The following SORBS2 variants were observed in gnomAD, a reference collection of about 807,000 sequenced individuals.
SORBS2 encodes the protein sorbin and SH3 domain containing 2, also known as sorbin and SH3 domain-containing protein 2.
Under a neutral mutation model 97.7 loss-of-function variants are expected in SORBS2, and 46 were observed. That is an observed-to-expected ratio of 0.47 (90% CI 0.37 to 0.60). The LOEUF is 0.60. Ranked by LOEUF, SORBS2 falls within the 20% of genes least tolerant of loss-of-function variation. The pLI, the probability that SORBS2 is intolerant of heterozygous loss-of-function variation, is 0.00. For synonymous variants in SORBS2, 476 were observed against 473.4 expected, an observed-to-expected ratio of 1.01 and a Z score of -0.07; for missense variants, 1,316 against 1,282.3, an observed-to-expected ratio of 1.03 and a Z score of -0.40.
At chr4:185,634,713 C>G (rs1276231409) in intron 4 of SORBS2, among the ~76,000 whole-genome samples, 3 of 151,926 alleles carry the variant, frequency 2.0e-5, no homozygotes, top group East Asian at 1.9e-4. Context: ...ATTATAGGCT[C>G]TTAAGTAGAG....
intron 1 of SORBS2, among the ~76,000 whole-genome samples, chr4:185,936,414 T>C (rs969154921): frequency 1.3e-5 from 2 of 152,196 alleles, no homozygotes; most frequent in Admixed American, 1.3e-4. Context: ...CAATGGGTAC[T>C]GAAACCATCA....
chr4:185,897,262 G>T (rs576410443), intron 1 of SORBS2, among the ~76,000 whole-genome samples: 1 of 152,316 alleles, frequency 6.6e-6, no homozygotes, highest in East Asian at 1.9e-4. Flanking sequence ...GACCCACCTT[G>T]TTTGAGTGTA....
chr4:185,729,797 T>A (rs559714162), intron 2 of SORBS2, among the ~76,000 whole-genome samples: 5 of 152,240 alleles, frequency 3.3e-5, no homozygotes, highest in Admixed American at 6.5e-5. Context: ...ACTTATGTAA[T>A]TTTTTTTCAG....
intron 13 of SORBS2, among the ~76,000 whole-genome samples, chr4:185,591,092 T>TAA (rs2095918106): frequency 6.6e-6 from 1 of 152,194 alleles, no homozygotes; most frequent in Non-Finnish European, 1.5e-5. Context: ...ATTCTATCAT[T>TAA]TAAACTCAAA....
intron 12 of SORBS2, among the ~76,000 whole-genome samples, chr4:185,610,865 A>G (rs572970994): frequency 1.3e-5 from 2 of 152,284 alleles, no homozygotes; most frequent in Admixed American, 1.3e-4. Flanking sequence ...TACTTAAAAC[A>G]TTTTGGAAGT....
chr4:185,910,282 C>T (rs1176984538), intron 1 of SORBS2, among the ~76,000 whole-genome samples: 3 of 152,126 alleles, frequency 2.0e-5, no homozygotes, highest in Admixed American at 6.5e-5. Context: ...CTGGCCACAC[C>T]CTACTCCATT....
In SORBS2 at chr4:185,884,544, G is replaced by A. The variant is rs188068985; in HGVS notation, c.-338+71652C>T. On this transcript the variant is annotated intron_variant, in intron 1 of 20. Coordinates refer to the SORBS2 transcript ENST00000284776. Reference sequence around the variant, plus strand: ...AGTAAGATCTGAACAAAAGAAATCCGGAATGGCAATGAGGGCCCAGCAGAG... The same window carrying A: ...AGTAAGATCTGAACAAAAGAAATCCAGAATGGCAATGAGGGCCCAGCAGAG... Among the ~76,000 whole-genome samples, 325 of 152,248 alleles carry A rather than the reference G, an allele frequency of 2.1e-3. 2 individuals carry two copies. Among genetic ancestry groups the A allele is most frequent in the African/African-American group, 7.3e-3 (303 of 41,538 alleles).
intron 1 of SORBS2, among the ~76,000 whole-genome samples, chr4:185,886,235 C>T (rs750216886): frequency 7.9e-5 from 12 of 152,064 alleles, no homozygotes; most frequent in East Asian, 1.9e-4. Context: ...GGCAGAAAGG[C>T]TAAGGTGTTC....
At chr4:185,798,186 A>G (rs1378286894) in intron 1 of SORBS2, among the ~76,000 whole-genome samples, 1 of 152,134 alleles carries the variant, frequency 6.6e-6, no homozygotes, top group African/African-American at 2.4e-5. Context: ...ACCTCACCCT[A>G]CACAATTAGA....
rs2099208701 is a variant in SORBS2 at position 185,837,442 on chromosome 4, G to A, written c.-337-62076C>T. On this transcript the variant is annotated intron_variant, in intron 1 of 20. Coordinates refer to the SORBS2 transcript ENST00000284776. ...AGCTTTAAAATGCTTGTATTTAATAGTTTTTTTCTTAAGCATTTCAAAAAC... is the reference window on the plus strand; with the variant it reads ...AGCTTTAAAATGCTTGTATTTAATAATTTTTTTCTTAAGCATTTCAAAAAC... Among the ~76,000 whole-genome samples, 2 of 152,136 alleles carry A rather than the reference G, an allele frequency of 1.3e-5. 1 individual carries two copies. Among genetic ancestry groups the A allele is most frequent in the Admixed American group, 1.3e-4 (2 of 15,276 alleles).
intron 2 of SORBS2, among the ~76,000 whole-genome samples, chr4:185,698,914 A>G (rs751705872): frequency 2.6e-5 from 4 of 152,020 alleles, no homozygotes; most frequent in Non-Finnish European, 4.4e-5. Flanking sequence ...AAGTATATCT[A>G]TTTTAAATTA....
chr4:185,790,987 G>A (rs1041400871), intron 1 of SORBS2, among the ~76,000 whole-genome samples: 7 of 152,172 alleles, frequency 4.6e-5, no homozygotes, highest in African/African-American at 1.4e-4. Context: ...AGAAAATCAT[G>A]AGTATGGGGG....
At chr4:185,744,472 G>C (rs1010594748) in intron 2 of SORBS2, among the ~76,000 whole-genome samples, 2 of 152,172 alleles carry the variant, frequency 1.3e-5, no homozygotes, top group Non-Finnish European at 2.9e-5. Context: ...CACGAAACGA[G>C]ATCTATGGTT....
Position 185,757,227 on chromosome 4 carries a change from T to A in SORBS2, c.-198+18000A>T, listed in dbSNP as rs190904387. The A allele has an allele frequency of 1.9e-4, 60 of 307,730 alleles. 1 individual carries two copies. The East Asian group carries it at 3.6e-3, about 18-fold the overall frequency. The allele number at this position is 307,730 out of a possible 1,614,324, so 19.1% of individuals were successfully genotyped here. Reference sequence around the variant, plus strand: ...TTTATTCTGACATAAGATATTTAGATGTTGCAAGCCCCTCCAAGGAACACT... The same window carrying A: ...TTTATTCTGACATAAGATATTTAGAAGTTGCAAGCCCCTCCAAGGAACACT... On this transcript the variant is annotated intron_variant, in intron 2 of 20. Coordinates refer to the SORBS2 transcript ENST00000284776.
intron 1 of SORBS2, among the ~76,000 whole-genome samples, chr4:185,839,641 G>T (rs2099210309): frequency 6.6e-6 from 1 of 152,178 alleles, no homozygotes. Context: ...GTAAAGAGTT[G>T]TTTTTCGATG....
intron 2 of SORBS2, among the ~76,000 whole-genome samples, chr4:185,736,933 C>T (rs866948124): frequency 1.6e-4 from 24 of 152,220 alleles, no homozygotes; most frequent in African/African-American, 5.1e-4. Context: ...CACGGTTTCT[C>T]CCTGTGCCCC....
chr4:185,716,465 A>G (rs758470664), intron 2 of SORBS2, among the ~76,000 whole-genome samples: 1 of 152,252 alleles, frequency 6.6e-6, no homozygotes, highest in Non-Finnish European at 1.5e-5. Context: ...TCCTGCTGCT[A>G]TTAAACAGGG....
chr4:185,754,719 A>T (rs2153602569), intron 2 of SORBS2, among the ~76,000 whole-genome samples: 1 of 152,258 alleles, frequency 6.6e-6, no homozygotes, highest in Middle Eastern at 3.4e-3. Context: ...TGTGTTCCAA[A>T]CAGCCATTTA....
chr4:185,634,407 T>C (rs1236812233), intron 4 of SORBS2, among the ~76,000 whole-genome samples: 1 of 152,136 alleles, frequency 6.6e-6, no homozygotes, highest in African/African-American at 2.4e-5. Flanking sequence ...ACAGAGCAAC[T>C]AATGTGCAAA....
Sources: gnomAD v4.1 joint callset for allele counts (sites outside exome capture counted in the v4.1 genomes callset) on GRCh38, gnomAD v4.1.1 for gene constraint, MANE v1.5 for transcripts, NCBI Gene and HGNC (gene_info 2026-07-23, HGNC 2026-07-21) for gene names.